The following PRR16 variants were observed in gnomAD, a reference collection of about 807,000 sequenced individuals.
The protein encoded by PRR16 is proline rich 16.
Under a neutral mutation model 18.2 loss-of-function variants are expected in PRR16, and 6 were observed. The observed-to-expected ratio is 0.33, with a 90% CI of 0.18 to 0.65. PRR16 has a LOEUF of 0.65. Among genes scored for constraint, PRR16 ranks in the 30% least tolerant of loss-of-function variants. PRR16 has a pLI of 0.74. For missense variants in PRR16, 412 were observed against 376.6 expected (o/e 1.09, Z -0.78); for synonymous variants, 151 against 147.8 (o/e 1.02, Z -0.16).
At chr5:120,788,499 T>C in the PRR16 span, among the ~76,000 whole-genome samples, 2 of 152,072 alleles carry the variant, frequency 1.3e-5, no homozygotes, top group African/African-American at 4.8e-5. Flanking sequence ...ACAAAAATAT[T>C]ATTGTGGGAC....
intron 1 of PRR16, among the ~76,000 whole-genome samples, chr5:120,499,156 C>G (rs1750361265): frequency 6.6e-6 from 1 of 150,398 alleles, no homozygotes. Flanking sequence ...GTTGCCCAGG[C>G]TGGAGTGCAA....
At chr5:120,601,859 A>C (rs1753993643) in intron 1 of PRR16, among the ~76,000 whole-genome samples, 2 of 151,980 alleles carry the variant, frequency 1.3e-5, no homozygotes, top group Non-Finnish European at 2.9e-5. Context: ...CCTTTGTCAA[A>C]GGTCAGATGG....
rs537051247 is a variant in PRR16 at position 120,542,776 on chromosome 5, T to A, written c.159+78131T>A. 1.6e-4 allele frequency among the ~76,000 whole-genome samples: 24 copies of A among 152,234 alleles called. No individual in the cohort carries two copies. In the East Asian group the frequency reaches 4.6e-3, roughly 29 times the overall value. On this transcript the variant is annotated intron_variant, in intron 1 of 1. Coordinates refer to ENST00000407149, the MANE Select transcript of PRR16 (RefSeq NM_001300783.2). ...AGTATTGTGTAGCTGGTACTGAAAA[T>A]GTTCTTTGAAGGTGGATAAGTTTTT... is the stretch of plus-strand genomic sequence containing the variant.
At chr5:120,618,735 AT>A (rs1043175136) in intron 1 of PRR16, among the ~76,000 whole-genome samples, 1 of 151,538 alleles carries the variant, frequency 6.6e-6, no homozygotes. Flanking sequence ...TGGGATTCTT[AT>A]TTTTTTTGTT....
intron 1 of PRR16, among the ~76,000 whole-genome samples, chr5:120,485,148 T>C (rs1029507578): frequency 1.2e-4 from 18 of 152,122 alleles, no homozygotes; most frequent in Non-Finnish European, 2.5e-4. Context: ...ACTCCTAATT[T>C]ACAATTATAA....
chr5:120,569,443 G>A (rs1015519270), intron 1 of PRR16, among the ~76,000 whole-genome samples: 4 of 152,136 alleles, frequency 2.6e-5, no homozygotes, highest in South Asian at 2.1e-4. Context: ...TGGAGAAACC[G>A]GAGTGAGAAT....
the PRR16 span, among the ~76,000 whole-genome samples, chr5:120,762,900 T>C: frequency 1.3e-5 from 2 of 152,194 alleles, no homozygotes; most frequent in Admixed American, 1.3e-4. Flanking sequence ...CATTGTAACT[T>C]GAGATCTTAG....
At chr5:120,500,726 A>G (rs1750421915) in intron 1 of PRR16, among the ~76,000 whole-genome samples, 1 of 152,230 alleles carries the variant, frequency 6.6e-6, no homozygotes, top group South Asian at 2.1e-4. Context: ...TCCTGTCAGT[A>G]TCACTAAATA....
the PRR16 span, among the ~76,000 whole-genome samples, chr5:120,771,691 C>T: frequency 6.6e-6 from 1 of 152,082 alleles, no homozygotes; most frequent in African/African-American, 2.4e-5. Flanking sequence ...CAGCTCTCAA[C>T]TCAGAGTGCT....
the PRR16 span, among the ~76,000 whole-genome samples, chr5:120,704,511 A>G: frequency 6.6e-6 from 1 of 152,174 alleles, no homozygotes; most frequent in African/African-American, 2.4e-5. Context: ...AATTCTTAGC[A>G]TTTTATGGTA....
the PRR16 span, among the ~76,000 whole-genome samples, chr5:120,787,197 A>T: frequency 6.6e-6 from 1 of 152,136 alleles, no homozygotes; most frequent in African/African-American, 2.4e-5. Flanking sequence ...TCTATATTTG[A>T]AGTAAACATG....
At chr5:120,526,373 G>A (rs10079863) in intron 1 of PRR16, among the ~76,000 whole-genome samples, 25,314 of 151,992 alleles carry the variant, frequency 0.17, 2,270 homozygotes, top group African/African-American at 0.21. Flanking sequence ...GTTTAAATAA[G>A]CATTTATGTT....
chr5:120,785,834 G>T, the PRR16 span, among the ~76,000 whole-genome samples: 2 of 151,678 alleles, frequency 1.3e-5, no homozygotes, highest in Non-Finnish European at 2.9e-5. Flanking sequence ...CTCCCAAAGT[G>T]CTGGGATTAC....
intron 1 of PRR16, among the ~76,000 whole-genome samples, chr5:120,613,046 A>G (rs1401445553): frequency 6.6e-6 from 1 of 152,226 alleles, no homozygotes; most frequent in Non-Finnish European, 1.5e-5. Flanking sequence ...CATGAGGTAT[A>G]TGTTTTAAAG....
chr5:120,740,020 C>T, the PRR16 span, among the ~76,000 whole-genome samples: 2 of 152,160 alleles, frequency 1.3e-5, no homozygotes, highest in African/African-American at 4.8e-5. Flanking sequence ...ATTATAACCT[C>T]TAGGACCCCG....
intron 1 of PRR16, among the ~76,000 whole-genome samples, chr5:120,585,942 G>A (rs935795626): frequency 6.6e-6 from 1 of 152,142 alleles, no homozygotes; most frequent in East Asian, 1.9e-4. Flanking sequence ...TTGTGAGGCC[G>A]AGGAGGGTGG....
At chr5:120,600,138 A>T (rs1656291578) in intron 1 of PRR16, among the ~76,000 whole-genome samples, 1 of 151,764 alleles carries the variant, frequency 6.6e-6, no homozygotes, top group South Asian at 2.1e-4. Context: ...TTCGTTTCGT[A>T]GCCCAGCTCC....
the PRR16 span, among the ~76,000 whole-genome samples, chr5:120,775,218 G>A: frequency 1.3e-5 from 2 of 152,076 alleles, no homozygotes; most frequent in African/African-American, 2.4e-5. Context: ...TATTATTTGT[G>A]ATACACATTT....
intron 1 of PRR16, among the ~76,000 whole-genome samples, chr5:120,620,153 AC>A (rs1754640947): frequency 6.6e-6 from 1 of 152,174 alleles, no homozygotes; most frequent in Non-Finnish European, 1.5e-5. Flanking sequence ...TGGAAAGAAG[AC>A]GAAAAATGCA....
Sources: gnomAD v4.1 joint callset for allele counts (sites outside exome capture counted in the v4.1 genomes callset) on GRCh38, gnomAD v4.1.1 for gene constraint, MANE v1.5 for transcripts, NCBI Gene and HGNC (gene_info 2026-07-23, HGNC 2026-07-21) for gene names.